Variants in CSMD1 observed in about 807,000 individuals in gnomAD.
CSMD1 encodes the protein CUB and sushi domain-containing protein 1.
A neutral mutation model predicts 417.5 loss-of-function variants in CSMD1; 213 were observed. The observed-to-expected ratio is 0.51, with a 90% CI of 0.46 to 0.57. The LOEUF (loss-of-function observed/expected upper bound fraction) is 0.57. Ranked by LOEUF, CSMD1 falls within the 20% of genes least tolerant of loss-of-function variation. The pLI is 0.00. For synonymous variants in CSMD1, 2,862 were observed against 1,736.8 expected (o/e 1.65, Z -16.11); for missense variants, 6,923 against 4,529.7 (o/e 1.53, Z -15.17).
chr8:4,481,584 T>A (rs901062201), intron 2 of CSMD1, among the ~76,000 whole-genome samples: 1 of 152,186 alleles, frequency 6.6e-6, no homozygotes, highest in Non-Finnish European at 1.5e-5. Context: ...ATTTTTCACG[T>A]GTGATCTCAT....
At chr8:3,198,180 C>T (rs1302857898) in intron 33 of CSMD1, among the ~76,000 whole-genome samples, 1 of 152,046 alleles carries the variant, frequency 6.6e-6, no homozygotes, top group East Asian at 1.9e-4. Flanking sequence ...TATAAGACAC[C>T]AGGATATTTG....
chr8:4,154,591 G>A (rs910285012), intron 3 of CSMD1, among the ~76,000 whole-genome samples: 1 of 152,142 alleles, frequency 6.6e-6, no homozygotes, highest in African/African-American at 2.4e-5. Context: ...GAGGTCTTTG[G>A]CAATAGGAAT....
chr8:3,167,713 T>C (rs1197925622), intron 37 of CSMD1, among the ~76,000 whole-genome samples: 2 of 152,224 alleles, frequency 1.3e-5, no homozygotes, highest in African/African-American at 4.8e-5. Context: ...ATTAAGAAGA[T>C]GAGTGTCCTA....
rs960943412 is a variant in CSMD1 at position 4,596,525 on chromosome 8, A to G, written c.302+40817T>C. Among the ~76,000 whole-genome samples the G allele has an allele frequency of 8.6e-5, 13 of 151,622 alleles. No individual in the cohort carries two copies. In the Admixed American group the frequency reaches 8.6e-4, roughly 10 times the overall value. ...ACACAAGACTCTGTTCCTTAACAGT[A>G]TTTTCTCACCAAGCTATAAGCTTTT... On this transcript the variant is annotated intron_variant, in intron 2 of 69. Coordinates refer to ENST00000635120, the MANE Select transcript of CSMD1 (RefSeq NM_033225.6).
chr8:3,087,164 G>T lies in CSMD1; in HGVS notation c.7407C>A (p.Ser2469Arg). ...CKPGYRMVGH[S>R]NATCRRNPLG... ...GTGGGTTTCGTCTACAGGTTGCATT[G>T]CTGTGGCCGACCATTCGGTATCCAG... Residue 2469 changes from serine to arginine, a missense_variant, in exon 49 of 70, where the codon AGC (serine) becomes AGA (arginine). Ser to Arg is a moderately radical substitution (Grantham distance 110). Transcript: ENST00000635120. 6.2e-7 allele frequency: 1 copy of T among 1,613,910 alleles called. No individual in the cohort carries two copies. Among genetic ancestry groups the T allele is most frequent in the Admixed American group, 1.7e-5 (1 of 60,026 alleles).
intron 2 of CSMD1, among the ~76,000 whole-genome samples, chr8:4,519,949 G>GTC (rs1271489001): frequency 6.7e-6 from 1 of 149,948 alleles, no homozygotes; most frequent in Non-Finnish European, 1.5e-5. Flanking sequence ...GTGTGTGTGT[G>GTC]TGTGTGTGGT....
At chr8:4,457,346 G>C (rs538348464) in intron 2 of CSMD1, among the ~76,000 whole-genome samples, 3 of 152,056 alleles carry the variant, frequency 2.0e-5, no homozygotes, top group African/African-American at 7.2e-5. Flanking sequence ...ACCGGAGAGG[G>C]GTTTGCGGAG....
chr8:4,324,581 A>G (rs896915208), intron 3 of CSMD1, among the ~76,000 whole-genome samples: 2 of 152,154 alleles, frequency 1.3e-5, no homozygotes, highest in South Asian at 2.1e-4. Context: ...AGGACTGATA[A>G]ACCTACTAGG....
chr8:4,539,259 T>C (rs1797260350), intron 2 of CSMD1, among the ~76,000 whole-genome samples: 1 of 152,224 alleles, frequency 6.6e-6, no homozygotes, highest in African/African-American at 2.4e-5. Context: ...AGCTTTCATA[T>C]GCAGTATTTC....
intron 3 of CSMD1, among the ~76,000 whole-genome samples, chr8:4,104,196 T>C (rs1200835754): frequency 6.6e-6 from 1 of 152,216 alleles, no homozygotes; most frequent in Non-Finnish European, 1.5e-5. Context: ...TTCTCTAGGG[T>C]CATAGTGTGT....
intron 8 of CSMD1, among the ~76,000 whole-genome samples, chr8:3,586,533 A>T (rs1800609908): frequency 6.6e-6 from 1 of 152,048 alleles, no homozygotes. Context: ...GACAGAATAA[A>T]ATAGCAAAAA....
intron 47 of CSMD1, among the ~76,000 whole-genome samples, chr8:3,094,211 T>C (rs1815145446): frequency 6.6e-6 from 1 of 152,114 alleles, no homozygotes; most frequent in African/African-American, 2.4e-5. Flanking sequence ...GCTCAAATGA[T>C]TCTCTTGCCT....
chr8:3,304,951 C>A (rs545400601), intron 25 of CSMD1, among the ~76,000 whole-genome samples: 1 of 151,886 alleles, frequency 6.6e-6, no homozygotes, highest in Non-Finnish European at 1.5e-5. Context: ...TAGATGATTT[C>A]TACAACTTTT....
intron 1 of CSMD1, among the ~76,000 whole-genome samples, chr8:4,706,161 A>C (rs997685705): frequency 6.6e-6 from 1 of 150,930 alleles, no homozygotes. Context: ...ATGTATTTAT[A>C]TACTGTACAT....
chr8:3,525,291 C>T (rs556519729), intron 10 of CSMD1, among the ~76,000 whole-genome samples: 1 of 152,130 alleles, frequency 6.6e-6, no homozygotes, highest in African/African-American at 2.4e-5. Flanking sequence ...AAGCAACAGA[C>T]CAGGTTAAAA....
intron 1 of CSMD1, among the ~76,000 whole-genome samples, chr8:4,913,312 A>C (rs143659561): frequency 6.6e-6 from 1 of 152,284 alleles, no homozygotes; most frequent in East Asian, 1.9e-4. Flanking sequence ...TGGTGTTATA[A>C]TTACTTGCAA....
At chr8:3,547,966 C>A (rs1563142266) in intron 10 of CSMD1, among the ~76,000 whole-genome samples, 2 of 152,036 alleles carry the variant, frequency 1.3e-5, no homozygotes, top group African/African-American at 4.8e-5. Flanking sequence ...CAACTTCAAC[C>A]TATTTGGATA....
intron 26 of CSMD1, among the ~76,000 whole-genome samples, chr8:3,281,402 C>T (rs956887771): frequency 2.0e-5 from 3 of 152,094 alleles, no homozygotes; most frequent in Non-Finnish European, 2.9e-5. Flanking sequence ...CAAGATCATG[C>T]CACTGCACTC....
chr8:3,982,471 G>A (rs1012767819), intron 5 of CSMD1, among the ~76,000 whole-genome samples: 3 of 152,062 alleles, frequency 2.0e-5, no homozygotes, highest in South Asian at 4.1e-4. Context: ...ATTACTATTA[G>A]TATATACTCC....
Sources: gnomAD v4.1 joint callset for allele counts (sites outside exome capture counted in the v4.1 genomes callset) on GRCh38, gnomAD v4.1.1 for gene constraint, MANE v1.5 for transcripts, NCBI Gene and HGNC (gene_info 2026-07-23, HGNC 2026-07-21) for gene names.